Variants in SLC35D2 observed in about 807,000 individuals in gnomAD.
SLC35D2 encodes solute carrier family 35 member D2.
Under a neutral mutation model 41.8 loss-of-function variants are expected in SLC35D2, and 43 were observed. That is an observed-to-expected ratio of 1.03 (90% confidence interval 0.81 to 1.33). The LOEUF is 1.33. Among genes scored for constraint, SLC35D2 ranks in the 40% most tolerant of loss-of-function variants. The pLI is 0.00. For synonymous variants in SLC35D2, 150 were observed against 163.9 expected (o/e 0.92, Z 0.65); for missense variants, 380 against 408.4 (o/e 0.93, Z 0.60).
chr9:96,372,827 C>T (rs963753650), intron 1 of SLC35D2, among the ~76,000 whole-genome samples: 1 of 151,000 alleles, frequency 6.6e-6, no homozygotes, highest in African/African-American at 2.4e-5. Context: ...CTCAGGTGAT[C>T]CGCCCACCTC....
At chr9:96,339,331 G>A (rs1829203216) in intron 8 of SLC35D2, among the ~76,000 whole-genome samples, 1 of 152,032 alleles carries the variant, frequency 6.6e-6, no homozygotes, top group Non-Finnish European at 1.5e-5. Flanking sequence ...AGATGGTCTC[G>A]ATCTCTTGAC....
chr9:96,360,237 A>T lies in SLC35D2; in HGVS notation c.280-16T>A, dbSNP rs758420033. 6.3e-7 allele frequency: 1 copy of T among 1,599,488 alleles called. No homozygotes were observed. Among genetic ancestry groups the T allele is most frequent in the Non-Finnish European group, 8.5e-7 (1 of 1,170,750 alleles). ...GAGGAAACAGCTTCCATTAAAAAAA[A>T]AAGAAGAAATATTTGGTTAGAACTC... On this transcript the variant is annotated splice_polypyrimidine_tract_variant and intron_variant, in intron 3 of 11. Coordinates refer to ENST00000253270, the MANE Select transcript of SLC35D2 (RefSeq NM_007001.3).
chr9:96,375,288 G>T (rs977629365), intron 1 of SLC35D2, among the ~76,000 whole-genome samples: 1 of 151,810 alleles, frequency 6.6e-6, no homozygotes, highest in Non-Finnish European at 1.5e-5. Flanking sequence ...CTTAAAAAAC[G>T]TACTGACAGC....
intron 9 of SLC35D2, among the ~76,000 whole-genome samples, chr9:96,333,198 G>A (rs1828888991): frequency 6.6e-6 from 1 of 150,912 alleles, no homozygotes; most frequent in Non-Finnish European, 1.5e-5. Context: ...CGCCTGGCCT[G>A]AATTTTCAAT....
At chr9:96,329,740 C>T (rs1828723088) in intron 9 of SLC35D2, among the ~76,000 whole-genome samples, 1 of 152,100 alleles carries the variant, frequency 6.6e-6, no homozygotes, top group Non-Finnish European at 1.5e-5. Context: ...TTTTCACAGC[C>T]CTTTTGTGAG....
Position 96,336,719 on chromosome 9 carries a change from CA to C in SLC35D2, c.749del (p.Leu250TrpfsTer5), listed in dbSNP as rs1480563757. On this transcript the variant is annotated frameshift_variant, in exon 9 of 12. Transcript: ENST00000253270. LOFTEE classifies it high-confidence loss of function. ...TCTACTTATCTATGGTTTCTTACCC[CA>C]AAAAACAGGAAAGAAGAAACTGTAG... ...FILQFLLSCF[L>X]GFLLMYSTVL... The C allele has an allele frequency of 6.4e-6, 10 of 1,570,230 alleles. No individual in the cohort carries two copies. The highest frequency in any genetic ancestry group is 1.4e-5 in the African/African-American group (1 of 73,940).
downstream of SLC35D2, among the ~76,000 whole-genome samples, chr9:96,316,784 T>G (rs374364191): frequency 9.0e-5 from 3 of 33,416 alleles, no homozygotes; most frequent in African/African-American, 4.5e-4. Context: ...GGTCCTATTA[T>G]TTAATCAACC....
chr9:96,372,574 CTTTTTTT>C (rs71368250), intron 1 of SLC35D2, among the ~76,000 whole-genome samples: 35 of 90,166 alleles, frequency 3.9e-4, no homozygotes, highest in South Asian at 7.5e-4. Flanking sequence ...TAAATAATTA[CTTTTTTT>C]TTTTTTTTTT....
At chr9:96,370,574 C>T (rs1237335798) in intron 1 of SLC35D2, among the ~76,000 whole-genome samples, 1 of 151,988 alleles carries the variant, frequency 6.6e-6, no homozygotes, top group African/African-American at 2.4e-5. Context: ...TGAGAATCAC[C>T]TGAACCCAGG....
intron 9 of SLC35D2, among the ~76,000 whole-genome samples, chr9:96,332,482 G>A (rs572032740): frequency 6.6e-6 from 1 of 152,232 alleles, no homozygotes; most frequent in South Asian, 2.1e-4. Flanking sequence ...TACCATTAAA[G>A]GTAAAGTTCA....
downstream of SLC35D2, among the ~76,000 whole-genome samples, chr9:96,319,230 G>A (rs4743722): frequency 0.6 from 90,955 of 151,986 alleles, 27,445 homozygotes; most frequent in South Asian, 0.75. Flanking sequence ...CGGTGATATG[G>A]TGCTAAGTGA....
rs1829526483 is a variant in SLC35D2, at chr9:96,345,327, A to T, written c.563T>A (p.Val188Asp). The T allele has an allele frequency of 1.2e-6, 2 of 1,610,862 alleles. No individual in the cohort carries two copies. Among genetic ancestry groups the T allele is most frequent in the South Asian group, 2.2e-5 (2 of 90,698 alleles). Reference sequence around the variant, plus strand: ...TGGGTCCATTTTCTGTTTGGTATAAACTCCATTTGCTGCTGTGAAGATATC... The same window carrying T: ...TGGGTCCATTTTCTGTTTGGTATAATCTCCATTTGCTGCTGTGAAGATATC... Reference protein sequence around the residue: ...LNDIFTAANGVYTKQKMDPKE... With the variant: ...LNDIFTAANGDYTKQKMDPKE... Residue 188 changes from valine to aspartate, a missense_variant, in exon 7 of 12, where the codon GTT becomes GAT. Transcript: ENST00000253270.
chr9:96,361,290 C>T (rs1177925038), intron 3 of SLC35D2, among the ~76,000 whole-genome samples: 1 of 152,144 alleles, frequency 6.6e-6, no homozygotes, highest in Non-Finnish European at 1.5e-5. Flanking sequence ...AAGCCCTAAT[C>T]CCCAATGTGA....
chr9:96,371,460 G>A (rs1158170976), intron 1 of SLC35D2, among the ~76,000 whole-genome samples: 1 of 76,178 alleles, frequency 1.3e-5, no homozygotes, highest in Non-Finnish European at 2.4e-5. Flanking sequence ...GGGTGACAGA[G>A]CGAGACTCTG....
At chr9:96,354,029 C>A (rs1039997431) in intron 4 of SLC35D2, among the ~76,000 whole-genome samples, 5 of 152,186 alleles carry the variant, frequency 3.3e-5, no homozygotes, top group Admixed American at 6.5e-5. Context: ...TATATTCACA[C>A]CTAAAGATGT....
chr9:96,324,039 G>A (rs1282439140), intron 10 of SLC35D2, 52 bp downstream of exon 10: 1 of 1,484,226 alleles, frequency 6.7e-7, no homozygotes, highest in East Asian at 2.3e-5. Context: ...TGGAATATTT[G>A]GATTTCCATT....
intron 9 of SLC35D2, among the ~76,000 whole-genome samples, chr9:96,336,160 G>C (rs1302518689): frequency 6.6e-6 from 1 of 152,074 alleles, no homozygotes; most frequent in African/African-American, 2.4e-5. Flanking sequence ...AATATAGCAG[G>C]TATAGCACTA....
intron 1 of SLC35D2, among the ~76,000 whole-genome samples, chr9:96,380,865 A>G (rs998478998): frequency 2.6e-5 from 4 of 151,896 alleles, no homozygotes; most frequent in Non-Finnish European, 5.9e-5. Context: ...GTCCATGTTC[A>G]TTTCCTTGAG....
At chr9:96,359,307 C>CAA (rs1356916363) in intron 4 of SLC35D2, among the ~76,000 whole-genome samples, 1 of 117,152 alleles carries the variant, frequency 8.5e-6, no homozygotes, top group Non-Finnish European at 1.8e-5. Context: ...GACTCCGTCT[C>CAA]AAAAAAAAAA....
Sources: gnomAD v4.1 joint callset for allele counts (sites outside exome capture counted in the v4.1 genomes callset) on GRCh38, gnomAD v4.1.1 for gene constraint, MANE v1.5 for transcripts, NCBI Gene and HGNC (gene_info 2026-07-23, HGNC 2026-07-21) for gene names.